Variants in PCDHGA8 observed in about 807,000 individuals in gnomAD.
The protein encoded by PCDHGA8 is protocadherin gamma subfamily A, 8, also known as protocadherin gamma-A8.
PCDHGA8 carries 45 observed loss-of-function variants against 59.2 expected under a neutral mutation model. The observed-to-expected ratio is 0.76, with a 90% CI of 0.60 to 0.98. The LOEUF is 0.98. Among genes scored for constraint, PCDHGA8 ranks in the 50% least tolerant of loss-of-function variants. The pLI is 0.00. For missense variants in PCDHGA8, 1,257 were observed against 1,196.2 expected (o/e 1.05, Z -0.75); for synonymous variants, 531 against 519.0 (o/e 1.02, Z -0.32).
At chr5:141,452,881 T>A (rs1273440996) in intron 1 of PCDHGA8, among the ~76,000 whole-genome samples, 1 of 152,166 alleles carries the variant, frequency 6.6e-6, no homozygotes, top group African/African-American at 2.4e-5. Context: ...TTTGTAATAA[T>A]TTATTCCACT....
rs758132181 is a variant in PCDHGA8, at chr5:141,486,827, C to T, written c.2425-7980C>T. On this transcript the variant is annotated intron_variant, in intron 1 of 3. Coordinates refer to ENST00000398604, the MANE Select transcript of PCDHGA8 (RefSeq NM_032088.2). This position sits in a 1 kb window ranked among gnomAD's most constrained non-coding sequence, Gnocchi z 5.0. The stretch of plus-strand genomic sequence containing the variant: ...ACCCCTTAGCAGCACTGTAACAGTT[C>T]GTCTATTTGTGCTGGACCTCAATGA... 10 of 1,614,110 alleles carry T rather than the reference C, an allele frequency of 6.2e-6. No individual in the cohort carries two copies. The African/African-American group carries it at 8.0e-5, about 13-fold the overall frequency.
At chr5:141,410,662 C>T (rs770245568) in intron 1 of PCDHGA8, 1 of 1,572,090 alleles carries the variant, frequency 6.4e-7, no homozygotes, top group Admixed American at 1.9e-5. Context: ...TAATAGTCTA[C>T]TAGTTTCTCA....
Position 141,432,454 on chromosome 5 carries a change from C to T in PCDHGA8, c.2424+37217C>T, listed in dbSNP as rs751733947. On this transcript the variant is annotated intron_variant, in intron 1 of 3. Coordinates refer to ENST00000398604, the MANE Select transcript of PCDHGA8 (RefSeq NM_032088.2). The surrounding 1 kb of genome is among the most constrained non-coding windows in gnomAD (Gnocchi z 6.0). ...ACAATGCGCCCGAGATCCTGTACCC[C>T]GCCCTCCCCACGGACGGTTCCACTG... 134 of 1,614,108 alleles carry T rather than the reference C, an allele frequency of 8.3e-5. No homozygotes were observed. The highest frequency in any genetic ancestry group is 1.1e-4 in the Non-Finnish European group (133 of 1,180,058).
chr5:141,483,213 C>T (rs1343903817), intron 1 of PCDHGA8, among the ~76,000 whole-genome samples: 1 of 152,142 alleles, frequency 6.6e-6, no homozygotes, highest in Non-Finnish European at 1.5e-5. Flanking sequence ...ATATAGATGA[C>T]AGTCACTGCA....
At chr5:141,500,223 T>TTG (rs1227708024) in intron 2 of PCDHGA8, among the ~76,000 whole-genome samples, 1 of 145,320 alleles carries the variant, frequency 6.9e-6, no homozygotes, top group Non-Finnish European at 1.5e-5. Flanking sequence ...TTTATTTATT[T>TTG]ATTGATACGT....
intron 1 of PCDHGA8, among the ~76,000 whole-genome samples, chr5:141,437,505 A>G (rs1429147239): frequency 6.6e-6 from 1 of 152,204 alleles, no homozygotes; most frequent in Non-Finnish European, 1.5e-5. Context: ...TTTTCAATGA[A>G]TTATAAGGCT....
intron 1 of PCDHGA8, among the ~76,000 whole-genome samples, chr5:141,434,530 A>G (rs1241680580): frequency 6.6e-6 from 1 of 152,226 alleles, no homozygotes; most frequent in African/African-American, 2.4e-5. Flanking sequence ...CTTAAACCAC[A>G]AACAATAGCA....
At chr5:141,418,310 G>C (rs778649723) in intron 1 of PCDHGA8, 2 of 1,613,990 alleles carry the variant, frequency 1.2e-6, no homozygotes, top group Non-Finnish European at 1.7e-6. Context: ...CCTGGGGATG[G>C]GAACAATTCT....
chr5:141,467,008 A>T (rs1319152720), intron 1 of PCDHGA8, among the ~76,000 whole-genome samples: 1 of 150,270 alleles, frequency 6.7e-6, no homozygotes, highest in African/African-American at 2.4e-5. Context: ...TTGCAATGCA[A>T]TTTTTTTCCC....
At chr5:141,444,621 G>A (rs1265458898) in intron 1 of PCDHGA8, among the ~76,000 whole-genome samples, 1 of 152,132 alleles carries the variant, frequency 6.6e-6, no homozygotes, top group Non-Finnish European at 1.5e-5. Flanking sequence ...CATGTGGCAT[G>A]ATGCACCAGT....
At chr5:141,466,871 T>C (rs1432611218) in intron 1 of PCDHGA8, among the ~76,000 whole-genome samples, 2 of 152,166 alleles carry the variant, frequency 1.3e-5, no homozygotes, top group African/African-American at 4.8e-5. Flanking sequence ...ATCCACACAT[T>C]TTTTTCATAA....
chr5:141,498,230 C>T (rs2099782452), intron 2 of PCDHGA8, among the ~76,000 whole-genome samples: 1 of 152,200 alleles, frequency 6.6e-6, no homozygotes, highest in African/African-American at 2.4e-5. Flanking sequence ...GATGGTCAGG[C>T]ATACCAGCTT....
At chr5:141,423,821 C>A (rs2096784513) in intron 1 of PCDHGA8, 1 of 1,272,728 alleles carries the variant, frequency 7.9e-7, no homozygotes, top group Admixed American at 3.9e-5. Context: ...TTTACTTTGC[C>A]TTTCATGAGA....
Position 141,490,688 on chromosome 5 carries a change from C to G in PCDHGA8, c.2425-4119C>G. 1 of 1,614,218 alleles carries G rather than the reference C, an allele frequency of 6.2e-7. No individual in the cohort carries two copies. Among genetic ancestry groups the G allele is most frequent in the Non-Finnish European group, 8.5e-7 (1 of 1,180,032 alleles). On this transcript the variant is annotated intron_variant, in intron 1 of 3. Coordinates refer to ENST00000398604, the MANE Select transcript of PCDHGA8 (RefSeq NM_032088.2). The surrounding 1 kb of genome is among the most constrained non-coding windows in gnomAD (Gnocchi z 5.4). ...ACTGTGGCTGCCTCAGATCCAGACA[C>G]TGGGGATAATGCCCGCCTCACCTAC...
chr5:141,405,927 A>G (rs138259154), intron 1 of PCDHGA8, among the ~76,000 whole-genome samples: 13 of 152,268 alleles, frequency 8.5e-5, no homozygotes, highest in African/African-American at 2.6e-4. Flanking sequence ...ATTTGCTGAT[A>G]TAACTTTCAT....
At chr5:141,395,348 A>T (rs2093219591) in intron 1 of PCDHGA8, 111 bp downstream of exon 1, 1 of 1,391,964 alleles carries the variant, frequency 7.2e-7, no homozygotes, top group East Asian at 2.4e-5. Flanking sequence ...AAGGTGTATC[A>T]CAGAGTTTTG....
Position 141,432,224 on chromosome 5 carries a change from T to C in PCDHGA8, c.2424+36987T>C. On this transcript the variant is annotated intron_variant, in intron 1 of 3. Transcript: ENST00000398604. The surrounding 1 kb of genome is among the most constrained non-coding windows in gnomAD (Gnocchi z 6.0). The stretch of plus-strand genomic sequence containing the variant: ...CTGTGAAGAGAACGCCCAGATCACT[T>C]ATTCCCTGGCTGAGAACACCATCCA... 6.2e-7 allele frequency: 1 copy of C among 1,614,138 alleles called. No homozygotes were observed. Among genetic ancestry groups the C allele is most frequent in the Non-Finnish European group, 8.5e-7 (1 of 1,180,024 alleles).
At chr5:141,494,938 G>A in intron 2 of PCDHGA8, 73 bp downstream of exon 2, 1 of 1,611,916 alleles carries the variant, frequency 6.2e-7, no homozygotes, top group South Asian at 1.1e-5. Context: ...AGGAGATGGG[G>A]GAGGGCCCAG....
At chr5:141,419,918 G>C (rs370039875) in intron 1 of PCDHGA8, 30 of 1,613,978 alleles carry the variant, frequency 1.9e-5, no homozygotes, top group Non-Finnish European at 2.5e-5. Flanking sequence ...CTCCCAGGCT[G>C]AGATGCAGTT....
Sources: gnomAD v4.1 joint callset for allele counts (sites outside exome capture counted in the v4.1 genomes callset) on GRCh38, gnomAD v4.1.1 for gene constraint, Gnocchi (gnomAD v3.1) non-coding constraint, MANE v1.5 for transcripts, NCBI Gene and HGNC (gene_info 2026-07-23, HGNC 2026-07-21) for gene names.